Variants in BAHCC1 observed in about 807,000 individuals in gnomAD.
BAHCC1 encodes the protein BAH domain and coiled-coil containing 1.
A neutral mutation model predicts 88.2 loss-of-function variants in BAHCC1; 43 were observed. The ratio of observed to expected loss-of-function variants is 0.49; its 90% CI spans 0.38 to 0.63. The LOEUF is 0.63. Among genes scored for constraint, BAHCC1 ranks in the 20% least tolerant of loss-of-function variants. BAHCC1 has a pLI of 0.00. For synonymous variants in BAHCC1, 1,510 were observed against 745.5 expected, an observed-to-expected ratio of 2.03 and a Z score of -16.71; for missense variants, 3,023 against 1,654.8, an observed-to-expected ratio of 1.83 and a Z score of -14.34.
At chr17:81,428,793 C>A (rs2064228897) in intron 3 of BAHCC1, among the ~76,000 whole-genome samples, 1 of 152,238 alleles carries the variant, frequency 6.6e-6, no homozygotes, top group African/African-American at 2.4e-5. Flanking sequence ...CATCCCACCC[C>A]GGGGACCCCC....
In BAHCC1 at chr17:81,418,788, C is replaced by T. The variant is rs79634469; in HGVS notation, c.179-8012C>T. ...GTACGTGTGTGTACGTGTGTGTGTACGTGTGTGCGTGTGTGTGTGTACGTG... is the reference window on the plus strand; with the variant it reads ...GTACGTGTGTGTACGTGTGTGTGTATGTGTGTGCGTGTGTGTGTGTACGTG... On this transcript the variant is annotated intron_variant, in intron 2 of 27. Coordinates refer to ENST00000675386, the MANE Select transcript of BAHCC1 (RefSeq NM_001377448.1). 5.9e-3 allele frequency among the ~76,000 whole-genome samples: 25 copies of T among 4,268 alleles called. 1 individual carries two copies. Among genetic ancestry groups the T allele is most frequent in the Middle Eastern group, 0.5 (2 of 4 alleles). 2.8% of individuals were successfully genotyped at this position (4,268 alleles called of 152,430 possible).
rs869105058 is a variant in BAHCC1, at chr17:81,397,395, G to GAA, written c.-207+1776_-207+1777dup. On this transcript the variant is annotated intron_variant, in intron 1 of 27. Coordinates refer to ENST00000675386, the MANE Select transcript of BAHCC1 (RefSeq NM_001377448.1). Reference sequence around the variant, plus strand: ...CAACTTTGAAATTTCTTATTGGAGAGAAAAAAAAAAAAAAAAACAACCACA... The same window carrying GAA: ...CAACTTTGAAATTTCTTATTGGAGAGAAAAAAAAAAAAAAAAAAACAACCACA... Among the ~76,000 whole-genome samples the GAA allele has an allele frequency of 2.7e-3, 352 of 132,576 alleles. 1 individual carries two copies. The highest frequency in any genetic ancestry group is 3.8e-3 in the South Asian group (15 of 3,904). The allele number at this position is 132,576 out of a possible 152,430, so 87.0% of individuals were successfully genotyped here.
At chr17:81,458,532 C>CTCCCCCGCCCTCCCCCGCA in intron 18 of BAHCC1, 66 bp downstream of exon 18, 2 of 646,554 alleles carry the variant, frequency 3.1e-6, no homozygotes, top group Non-Finnish European at 5.7e-6. Flanking sequence ...CCTTCCCCGC[C>CTCCCCCGCCCTCCCCCGCA]CTCCCCCGCA....
At position 81,464,794 on chromosome 17, in the gene BAHCC1, G is replaced by C. The variant is rs1006692899; in HGVS notation, c.*977G>C. The C allele has an allele frequency of 6.6e-6, 1 of 152,462 alleles. No homozygotes were observed. Among genetic ancestry groups the C allele is most frequent in the African/African-American group, 2.4e-5 (1 of 41,446 alleles). 9.4% of individuals were successfully genotyped at this position (152,462 alleles called of 1,614,324 possible). ...GGCCAAGGAGTCTGGCCTCCACCCA[G>C]AGCAGGGAGGGGCTGGCCCCTCGCC... On this transcript the variant is annotated 3_prime_UTR_variant, in exon 28 of 28. Coordinates refer to ENST00000675386, the MANE Select transcript of BAHCC1 (RefSeq NM_001377448.1).
chr17:81,407,141 G>A (rs782039304), intron 2 of BAHCC1, among the ~76,000 whole-genome samples: 11 of 152,170 alleles, frequency 7.2e-5, no homozygotes, highest in Non-Finnish European at 1.6e-4. Flanking sequence ...TGTGAGGAAC[G>A]GCAGAGCAGC....
At position 81,399,588 on chromosome 17, in the gene BAHCC1, C is replaced by T. The variant is rs1165570142; in HGVS notation, c.-152C>T. The T allele has an allele frequency of 2.3e-5, 11 of 475,946 alleles. No individual in the cohort carries two copies. Among genetic ancestry groups the T allele is most frequent in the Non-Finnish European group, 3.9e-5 (11 of 279,786 alleles). The allele number at this position is 475,946 out of a possible 1,614,324, so 29.5% of individuals were successfully genotyped here. On this transcript the variant is annotated 5_prime_UTR_variant, in exon 2 of 28. Transcript: ENST00000675386. The surrounding 1 kb of genome is among the most constrained non-coding windows in gnomAD (Gnocchi z 4.5). ...CGGTGCGCGGCCGCCCGCCGAGAAG[C>T]CCAGTCCTCCCGCGTGCTGACCGGC...
At chr17:81,415,526 T>C (rs1372896909) in intron 2 of BAHCC1, 3 of 515,482 alleles carry the variant, frequency 5.8e-6, no homozygotes, top group African/African-American at 5.8e-5. Context: ...GGCACTTTAG[T>C]GGGGGCCGGT....
intron 8 of BAHCC1, 38 bp downstream of exon 8, chr17:81,444,864 T>G (rs1598490690): frequency 1.3e-6 from 1 of 749,598 alleles, no homozygotes; most frequent in African/African-American, 1.7e-5. Context: ...ACTTGGGGGG[T>G]GCTGTTGGAA....
intron 2 of BAHCC1, among the ~76,000 whole-genome samples, chr17:81,417,238 T>C (rs1598463399): frequency 6.6e-6 from 1 of 152,118 alleles, no homozygotes; most frequent in South Asian, 2.1e-4. Flanking sequence ...AGCGTTCAGT[T>C]TGGGGCGAGG....
intron 17 of BAHCC1, 58 bp from the exon 18 acceptor site, chr17:81,458,107 C>T (rs1416814762): frequency 7.1e-6 from 5 of 708,368 alleles, no homozygotes; most frequent in Non-Finnish European, 1.3e-5. Context: ...ACAGTCAGCC[C>T]AACCAGCCGG....
chr17:81,399,083 C>T lies in BAHCC1; in HGVS notation c.-206-451C>T, dbSNP rs1211571592. 3 of 210,692 alleles carry T rather than the reference C, an allele frequency of 1.4e-5. No homozygotes were observed. The highest frequency in any genetic ancestry group is 1.8e-3 in the Middle Eastern group (1 of 546). The allele number at this position is 210,692 out of a possible 1,614,324, so 13.1% of individuals were successfully genotyped here. A position where few individuals can be genotyped will look rare whatever the true frequency, so the allele number is the denominator to read the frequency against. On this transcript the variant is annotated intron_variant, in intron 1 of 27. Coordinates refer to ENST00000675386, the MANE Select transcript of BAHCC1 (RefSeq NM_001377448.1). The surrounding 1 kb of genome is among the most constrained non-coding windows in gnomAD (Gnocchi z 4.5). ...AGTGTGGACCCCAGGCCTTTTCCTC[C>T]GAGACACCTTTGGGCAGCGGGGGAG...
In BAHCC1 at chr17:81,456,324, T is replaced by C; in HGVS notation, c.4597T>C (p.Cys1533Arg). 1.4e-6 allele frequency: 1 copy of C among 721,206 alleles called. No individual in the cohort carries two copies. Among genetic ancestry groups the C allele is most frequent in the Non-Finnish European group, 2.6e-6 (1 of 387,452 alleles). 44.7% of individuals were successfully genotyped at this position (721,206 alleles called of 1,614,324 possible). A position where few individuals can be genotyped will look rare whatever the true frequency, so the allele number is the denominator to read the frequency against. Reference protein sequence around the residue: ...VEKAQCKKSSCQGGLAPSVAH... With the variant: ...VEKAQCKKSSRQGGLAPSVAH... ...GAAGGCGCAGTGTAAGAAGAGCAGC[T>C]GTCAGGGCGGGCTGGCGCCCTCCGT... Residue 1533 changes from cysteine to arginine, a missense_variant, in exon 16 of 28, where the codon TGT becomes CGT. Cys to Arg is a radical substitution (Grantham distance 180). Coordinates refer to ENST00000675386, the MANE Select transcript of BAHCC1 (RefSeq NM_001377448.1).
Position 81,460,969 on chromosome 17 carries a change from G to A in BAHCC1, c.6306G>A (p.Ala2102=), listed in dbSNP as rs782820050. Residue 2102 remains alanine (A), a synonymous_variant, in exon 26 of 28, where the codon GCG becomes GCA. Coordinates refer to ENST00000675386, the MANE Select transcript of BAHCC1 (RefSeq NM_001377448.1). ...GSPLLSWSAV[A]QTKRKAVAAA... is the part of the protein sequence containing the mutation. ...CCTTGCTGAGCTGGTCCGCGGTGGC[G>A]CAGACCAAGCGGAAGGCGGTGGCAG... The A allele has an allele frequency of 6.0e-5, 46 of 772,454 alleles. No individual in the cohort carries two copies. Among genetic ancestry groups the A allele is most frequent in the Non-Finnish European group, 4.5e-5 (19 of 417,584 alleles). 47.8% of individuals were successfully genotyped at this position (772,454 alleles called of 1,614,324 possible).
In BAHCC1 at chr17:81,452,025, C is replaced by T. The variant is rs1555655969; in HGVS notation, c.4234C>T (p.Arg1412Cys). 1.6e-6 allele frequency: 1 copy of T among 631,868 alleles called. No individual in the cohort carries two copies. Among genetic ancestry groups the T allele is most frequent in the Non-Finnish European group, 2.8e-6 (1 of 356,778 alleles). The allele number at this position is 631,868 out of a possible 1,614,324, so 39.1% of individuals were successfully genotyped here. Residue 1412 changes from arginine to cysteine, a missense_variant, in exon 13 of 28, where the codon CGC becomes TGC. Transcript: ENST00000675386. ...GCTGGACACGCAGGAGGTGGGGATG[C>T]GCGTGCGGCTGGCGGAGCTGCAGCG... ...DRLDTQEVGM[R>C]VRLAELQRRY...
At chr17:81,441,797 G>A (rs782404709) in intron 4 of BAHCC1, 34 bp from the exon 5 acceptor site, 3 of 568,062 alleles carry the variant, frequency 5.3e-6, no homozygotes, top group Non-Finnish European at 9.7e-6. Flanking sequence ...TCACCCCTAA[G>A]GCCTCCCATT....
At chr17:81,429,351 A>T in intron 3 of BAHCC1, among the ~76,000 whole-genome samples, 1 of 152,182 alleles carries the variant, frequency 6.6e-6, no homozygotes, top group Non-Finnish European at 1.5e-5. Context: ...CTCTGCCTTC[A>T]GTTCAGTTGT....
At chr17:81,456,213 A>G in intron 15 of BAHCC1, 84 bp from the exon 16 acceptor site, 1 of 661,078 alleles carries the variant, frequency 1.5e-6, no homozygotes. Context: ...TGAGCCGGGC[A>G]TCAACAGAGA....
intron 4 of BAHCC1, among the ~76,000 whole-genome samples, chr17:81,440,734 C>T (rs559397550): frequency 1.3e-5 from 2 of 152,302 alleles, no homozygotes; most frequent in South Asian, 2.1e-4. Flanking sequence ...GCTGGGCAAC[C>T]GTTTCAGGGA....
At chr17:81,452,388 T>G (rs1555656084) in intron 13 of BAHCC1, among the ~76,000 whole-genome samples, 5 of 110,476 alleles carry the variant, frequency 4.5e-5, no homozygotes, top group Non-Finnish European at 3.8e-5. Context: ...GGGTGGCGGG[T>G]GAGGGGACAG....
Sources: gnomAD v4.1 joint callset for allele counts (sites outside exome capture counted in the v4.1 genomes callset) on GRCh38, gnomAD v4.1.1 for gene constraint, Gnocchi (gnomAD v3.1) non-coding constraint, MANE v1.5 for transcripts, NCBI Gene and HGNC (gene_info 2026-07-23, HGNC 2026-07-21) for gene names.